The following KIAA1671 variants were observed in gnomAD, a reference collection of about 807,000 sequenced individuals.
KIAA1671 encodes KIAA1671, also known as uncharacterized protein KIAA1671.
A neutral mutation model predicts 131.2 loss-of-function variants in KIAA1671; 52 were observed. The ratio of observed to expected loss-of-function variants is 0.40; its 90% confidence interval spans 0.32 to 0.50. The LOEUF (loss-of-function observed/expected upper bound fraction) is 0.50. KIAA1671 is among the 20% of genes least tolerant of loss of function. The pLI is 0.73. For missense variants in KIAA1671, 2,360 were observed against 2,364.2 expected (o/e 1.00, Z 0.04); for synonymous variants, 1,003 against 961.6 (o/e 1.04, Z -0.80).
At chr22:24,983,662 C>G (rs533680991) in intron 1 of KIAA1671, among the ~76,000 whole-genome samples, 2 of 127,152 alleles carry the variant, frequency 1.6e-5, no homozygotes, top group Admixed American at 1.9e-4. Flanking sequence ...GAACAGCTTG[C>G]GCTAGGGCTT....
intron 6 of KIAA1671, among the ~76,000 whole-genome samples, chr22:25,155,095 C>T (rs538742948): frequency 3.3e-5 from 5 of 152,282 alleles, no homozygotes; most frequent in Admixed American, 2.0e-4. Flanking sequence ...GATTAATCAG[C>T]GGACCTCAAT....
In KIAA1671 at chr22:25,093,742, C is replaced by CTG. The variant is rs1930168228; in HGVS notation, c.4530+44379_4530+44380insGT. Among the ~76,000 whole-genome samples, 12 of 118,478 alleles carry CTG rather than the reference C, an allele frequency of 1.0e-4. 2 individuals are homozygous for CTG. Among genetic ancestry groups the CTG allele is most frequent in the African/African-American group, 3.9e-4 (11 of 27,880 alleles). 77.7% of individuals were successfully genotyped at this position (118,478 alleles called of 152,430 possible). ...ACACACACACACACACACACACTCT[C>CTG]TCTCTCTCTCTCTCTCTCTCTCTCT... On this transcript the variant is annotated intron_variant, in intron 6 of 12. Transcript: ENST00000358431.
chr22:24,959,733 GT>G (rs1921914565), intron 1 of KIAA1671, among the ~76,000 whole-genome samples: 1 of 152,184 alleles, frequency 6.6e-6, no homozygotes, highest in African/African-American at 2.4e-5. Flanking sequence ...GGTGAGACAA[GT>G]AAGCAAATAA....
intron 6 of KIAA1671, among the ~76,000 whole-genome samples, chr22:25,085,376 T>G (rs1406847921): frequency 2.6e-5 from 4 of 152,180 alleles, no homozygotes; most frequent in African/African-American, 9.7e-5. Context: ...CTCTTCCTCC[T>G]CTGAACTTAG....
At chr22:25,158,435 C>G (rs1304222660) in intron 6 of KIAA1671, among the ~76,000 whole-genome samples, 2 of 152,148 alleles carry the variant, frequency 1.3e-5, no homozygotes, top group African/African-American at 4.8e-5. Context: ...TAATCACAGC[C>G]CAGCCCAATA....
At chr22:25,093,780 C>CTCTCTCTCTG (rs1930212045) in intron 6 of KIAA1671, among the ~76,000 whole-genome samples, 25 of 106,030 alleles carry the variant, frequency 2.4e-4, no homozygotes, top group African/African-American at 8.7e-4. Context: ...CTCTCTCTCT[C>CTCTCTCTCTG]TCTCTCTCTC....
Position 24,975,064 on chromosome 22 carries a change from CA to C in KIAA1671, c.-208+22294del, listed in dbSNP as rs561680277. Among the ~76,000 whole-genome samples the C allele has an allele frequency of 9.6e-4, 146 of 152,288 alleles. 1 individual carries two copies. The highest frequency in any genetic ancestry group is 2.8e-3 in the African/African-American group (118 of 41,570). ...TATATTCATAGATATGTGCAACTCT[CA>C]ACCATGACTGATTTTGGAACATTTT... On this transcript the variant is annotated intron_variant, in intron 1 of 12. Coordinates refer to ENST00000358431, the MANE Select transcript of KIAA1671 (RefSeq NM_001145206.2).
chr22:25,016,573 C>T (rs368440498), intron 1 of KIAA1671, among the ~76,000 whole-genome samples: 8 of 152,122 alleles, frequency 5.3e-5, no homozygotes, highest in South Asian at 2.1e-4. Flanking sequence ...ACTGCAGGTT[C>T]GTAGAGGAGG....
intron 6 of KIAA1671, among the ~76,000 whole-genome samples, chr22:25,066,796 T>C (rs1419437917): frequency 7.2e-6 from 1 of 139,306 alleles, no homozygotes; most frequent in Non-Finnish European, 1.5e-5. Context: ...GCTCACAGGG[T>C]GGGGTCAAGT....
At chr22:25,027,108 T>C (rs1356526903) in intron 2 of KIAA1671, among the ~76,000 whole-genome samples, 2 of 152,280 alleles carry the variant, frequency 1.3e-5, no homozygotes, top group African/African-American at 4.8e-5. Context: ...TTTCTCTTTC[T>C]ATTAAGAGTA....
At chr22:24,985,633 C>G (rs1055904022) in intron 1 of KIAA1671, among the ~76,000 whole-genome samples, 20 of 152,176 alleles carry the variant, frequency 1.3e-4, no homozygotes, top group Non-Finnish European at 2.8e-4. Context: ...GCCAGCGCGC[C>G]TAGCCTTTCT....
At chr22:25,168,980 AGAT>A (rs1254308935) in intron 6 of KIAA1671, among the ~76,000 whole-genome samples, 2 of 151,742 alleles carry the variant, frequency 1.3e-5, no homozygotes. Flanking sequence ...TTTGAGCAGG[AGAT>A]GATATGAAGC....
intron 1 of KIAA1671, chr22:25,014,320 T>C (rs1238646434): frequency 6.6e-6 from 1 of 152,202 alleles, no homozygotes; most frequent in Non-Finnish European, 1.5e-5. Flanking sequence ...GGATGCATGA[T>C]CTGATTCCAT....
At chr22:25,008,731 G>A (rs558435163) in intron 1 of KIAA1671, among the ~76,000 whole-genome samples, 1 of 152,332 alleles carries the variant, frequency 6.6e-6, no homozygotes, top group East Asian at 1.9e-4. Flanking sequence ...ATGATTTGAG[G>A]ATGATAATGA....
Position 25,190,654 on chromosome 22 carries a change from G to T in KIAA1671, c.5343-48G>T, listed in dbSNP as rs369376198. 2.0e-6 allele frequency: 3 copies of T among 1,477,924 alleles called. No individual in the cohort carries two copies. The South Asian group carries it at 3.6e-5, about 18-fold the overall frequency. The allele number at this position is 1,477,924 out of a possible 1,614,324, so 91.6% of individuals were successfully genotyped here. ...TACCACTCAGTCCTGCCCGCAAGGA[G>T]CCCACAGTCTGGTTTCAACTAGTCT... is the stretch of plus-strand genomic sequence containing the variant. On this transcript the variant is annotated intron_variant, in intron 11 of 12. Transcript: ENST00000358431.
At chr22:25,123,478 T>C (rs921940804) in intron 6 of KIAA1671, among the ~76,000 whole-genome samples, 5 of 152,106 alleles carry the variant, frequency 3.3e-5, no homozygotes, top group Admixed American at 6.6e-5. Context: ...AGGCGTGAGC[T>C]ACCGTGCCCG....
At chr22:25,137,506 A>G (rs1459433890) in intron 6 of KIAA1671, among the ~76,000 whole-genome samples, 1 of 152,214 alleles carries the variant, frequency 6.6e-6, no homozygotes, top group Non-Finnish European at 1.5e-5. Context: ...AATGGCCAAT[A>G]ATTGATGTTA....
intron 1 of KIAA1671, among the ~76,000 whole-genome samples, chr22:24,993,313 C>T (rs918630633): frequency 2.0e-5 from 3 of 152,172 alleles, no homozygotes; most frequent in East Asian, 3.9e-4. Flanking sequence ...TAGATGGCCT[C>T]AGAGTCCTGC....
At chr22:25,169,123 G>A (rs994121796) in intron 6 of KIAA1671, among the ~76,000 whole-genome samples, 1 of 152,120 alleles carries the variant, frequency 6.6e-6, no homozygotes, top group Non-Finnish European at 1.5e-5. Flanking sequence ...TCAAAAGACA[G>A]TGACTGGGGC....
Sources: gnomAD v4.1 joint callset for allele counts (sites outside exome capture counted in the v4.1 genomes callset) on GRCh38, gnomAD v4.1.1 for gene constraint, MANE v1.5 for transcripts, NCBI Gene and HGNC (gene_info 2026-07-23, HGNC 2026-07-21) for gene names.